PROX2: variants seen among roughly 807,000 people sequenced by gnomAD.
The protein encoded by PROX2 is prospero homeobox protein 2.
A neutral mutation model predicts 48.9 loss-of-function variants in PROX2; 46 were observed. That is an observed-to-expected ratio of 0.94 (90% CI 0.74 to 1.20). The LOEUF (loss-of-function observed/expected upper bound fraction) is 1.20. Ranked by LOEUF, PROX2 falls within the 50% of genes most tolerant of loss-of-function variation. PROX2 has a pLI of 0.00. For synonymous variants in PROX2, 260 were observed against 276.6 expected, an observed-to-expected ratio of 0.94 and a Z score of 0.60; for missense variants, 663 against 719.4, an observed-to-expected ratio of 0.92 and a Z score of 0.90.
chr14:74,863,364 C>G lies in PROX2; in HGVS notation c.471G>C (p.Arg157Ser). 6.2e-7 allele frequency: 1 copy of G among 1,614,026 alleles called. No individual in the cohort carries two copies. Among genetic ancestry groups the G allele is most frequent in the East Asian group, 2.2e-5 (1 of 44,882 alleles). Residue 157 changes from arginine to serine, a missense_variant, in exon 3 of 6, where the codon AGG (arginine) becomes AGC (serine). Arg to Ser is a moderately radical substitution (Grantham distance 110). Transcript: ENST00000556489. ...QEHILQAAKP[R>S]DTAQGPGGCG... ...AGCCTCCTGGCCCCTGAGCTGTGTC[C>G]CTGGGCTTGGCAGCCTGTAGGATGT...
Position 74,863,995 on chromosome 14 carries a change from T to C in PROX2, c.-161A>G. 1 of 774,192 alleles carries C rather than the reference T, an allele frequency of 1.3e-6. No homozygotes were observed. Among genetic ancestry groups the C allele is most frequent in the Non-Finnish European group, 1.8e-6 (1 of 558,164 alleles). 48.0% of individuals were successfully genotyped at this position (774,192 alleles called of 1,614,324 possible). A position where few individuals can be genotyped will look rare whatever the true frequency, so the allele number is the denominator to read the frequency against. On this transcript the variant is annotated 5_prime_UTR_variant, in exon 3 of 6. Transcript: ENST00000556489. Reference sequence around the variant, plus strand: ...TCTGGGATGCCAGGGCTCATGAACCTCCTGGGCAGACTCCTGAAATTAGAG... The same window carrying C: ...TCTGGGATGCCAGGGCTCATGAACCCCCTGGGCAGACTCCTGAAATTAGAG...
At chr14:74,870,117 G>T (rs1381551731) in intron 2 of PROX2, among the ~76,000 whole-genome samples, 1 of 151,928 alleles carries the variant, frequency 6.6e-6, no homozygotes, top group African/African-American at 2.4e-5. Context: ...GAGAAAATTA[G>T]ATATTAAAAA....
At chr14:74,872,370 C>G (rs578013946) in intron 1 of PROX2, among the ~76,000 whole-genome samples, 1 of 152,260 alleles carries the variant, frequency 6.6e-6, no homozygotes, top group Admixed American at 6.5e-5. Flanking sequence ...CTGGACCAGC[C>G]TTGTGCTTAG....
rs372354861 is a variant in PROX2 at position 74,862,692 on chromosome 14, A to G, written c.1143T>C (p.Pro381=). The G allele has an allele frequency of 1.2e-6, 2 of 1,613,966 alleles. No individual in the cohort carries two copies. The highest frequency in any genetic ancestry group is 1.3e-5 in the African/African-American group (1 of 75,020). ...RHPSSEPALR[P]WRTTKPQPLV... ...ATGGTTGCGGCTTAGTAGTTCTCCA[A>G]GGTCGTAGGGCAGGCTCTGAGGAGG... Residue 381 remains proline (P), a synonymous_variant, in exon 3 of 6, where the codon CCT becomes CCC. Transcript: ENST00000556489.
At chr14:74,870,439 A>AAAAACACACACACACAC (rs766736707) in intron 2 of PROX2, among the ~76,000 whole-genome samples, 1 of 29,936 alleles carries the variant, frequency 3.3e-5, no homozygotes, top group African/African-American at 2.4e-4. Context: ...AAAAAAAAAA[A>AAAAACACACACACACAC]ATACACACAC....
chr14:74,863,783 G>T lies in PROX2; in HGVS notation c.52C>A (p.Leu18Ile). 6.6e-7 allele frequency: 1 copy of T among 1,524,126 alleles called. No homozygotes were observed. Among genetic ancestry groups the T allele is most frequent in the East Asian group, 2.3e-5 (1 of 44,072 alleles). The allele number at this position is 1,524,126 out of a possible 1,614,324, so 94.4% of individuals were successfully genotyped here. ...LSPQPQICSHLAEACTEGERS... is the reference protein window; with the variant it reads ...LSPQPQICSHIAEACTEGERS... ...TCGCCTTCCGTACAAGCTTCTGCTA[G>T]GTGGGAGCAGATCTGGGGCTGAGGA... Residue 18 changes from leucine (L) to isoleucine (I), a missense_variant, in exon 3 of 6, where the codon CTA (leucine) becomes ATA (isoleucine). Leu to Ile is a conservative substitution (Grantham distance 5). Transcript: ENST00000556489.
At chr14:74,875,174 A>G (rs1883310527) in intron 1 of PROX2, among the ~76,000 whole-genome samples, 2 of 152,284 alleles carry the variant, frequency 1.3e-5, no homozygotes, top group South Asian at 4.1e-4. Context: ...ATAAAATAAA[A>G]TCTTAACCAC....
chr14:74,857,232 G>A (rs992869211), intron 4 of PROX2: 1 of 412,952 alleles, frequency 2.4e-6, no homozygotes, highest in Non-Finnish European at 4.3e-6. Context: ...TGATATGCTA[G>A]ATTTATGGGG....
chr14:74,862,229 G>GTC (rs58784255), intron 3 of PROX2, among the ~76,000 whole-genome samples: 1 of 152,082 alleles, frequency 6.6e-6, no homozygotes, highest in South Asian at 2.1e-4. Context: ...TTGAAACATT[G>GTC]TCTCTCTCTG....
chr14:74,862,607 G>A lies in PROX2; in HGVS notation c.1228C>T (p.Pro410Ser). The A allele has an allele frequency of 6.2e-7, 1 of 1,613,996 alleles. No homozygotes were observed. The highest frequency in any genetic ancestry group is 8.5e-7 in the Non-Finnish European group (1 of 1,179,874). Residue 410 changes from proline (P) to serine (S), a missense_variant, in exon 3 of 6, where the codon CCC becomes TCC. Pro to Ser is a moderately conservative substitution (Grantham distance 74). Transcript: ENST00000556489. ...PFTSAHLESL[P>S]LLPSVKMEQR... ...TCCATCTTCACCGAGGGAAGAAGGG[G>A]TAGACTTTCCAGATGGGCAGAGGTG...
At position 74,858,842 on chromosome 14, in the gene PROX2, TTGTGTGTGTGTGTG is replaced by T. The variant is rs199587376; in HGVS notation, c.1306-342_1306-329del. On this transcript the variant is annotated intron_variant, in intron 3 of 5. Transcript: ENST00000556489. ...TAGATGTCAAATACAGGTTGGTGTA[TTGTGTGTGTGTGTG>T]TGTGTGTGTGTGTGTGTGTGTGTGT... is the stretch of plus-strand genomic sequence containing the variant. 1,079 of 162,212 alleles carry T rather than the reference TTGTGTGTGTGTGTG, an allele frequency of 6.7e-3. 17 individuals are homozygous for T. The highest frequency in any genetic ancestry group is 0.033 in the East Asian group (198 of 6,070). The allele number at this position is 162,212 out of a possible 1,614,324, so 10.0% of individuals were successfully genotyped here. A position where few individuals can be genotyped will look rare whatever the true frequency, so the allele number is the denominator to read the frequency against.
Position 74,872,918 on chromosome 14 carries a change from A to G in PROX2, c.-309-1681T>C, listed in dbSNP as rs1883249405. On this transcript the variant is annotated intron_variant, in intron 1 of 5. Transcript: ENST00000556489. ...GGAGTCAGAAGCCCTGGTGGTCTGC[A>G]TCAACCACTGCATGGCTGTGAACTA... Among the ~76,000 whole-genome samples the G allele has an allele frequency of 3.3e-5, 5 of 152,240 alleles. No homozygotes were observed. The South Asian group carries it at 1.0e-3, about 31-fold the overall frequency.
intron 3 of PROX2, chr14:74,861,065 T>C: frequency 2.3e-6 from 1 of 439,134 alleles, no homozygotes; most frequent in Non-Finnish European, 4.4e-6. Context: ...AGGAAAGCTT[T>C]GGGGTGTTTC....
Position 74,863,142 on chromosome 14 carries a change from G to C in PROX2, c.693C>G (p.Thr231=), listed in dbSNP as rs771858213. 2 of 1,614,038 alleles carry C rather than the reference G, an allele frequency of 1.2e-6. No homozygotes were observed. The highest frequency in any genetic ancestry group is 4.5e-5 in the East Asian group (2 of 44,884). Residue 231 remains threonine (T), a synonymous_variant, in exon 3 of 6, where the codon ACC becomes ACG. Transcript: ENST00000556489. ...AGTCCACAGCCTGGGACACTGCCCTGGTCAGCTCTTTCCTCAGAATCTCTA... is the reference window on the plus strand; with the variant it reads ...AGTCCACAGCCTGGGACACTGCCCTCGTCAGCTCTTTCCTCAGAATCTCTA... The part of the protein sequence containing the change: ...ASLEILRKEL[T]RAVSQAVDSV...
At chr14:74,860,638 G>A (rs965628300) in intron 3 of PROX2, among the ~76,000 whole-genome samples, 4 of 152,204 alleles carry the variant, frequency 2.6e-5, no homozygotes, top group African/African-American at 9.6e-5. Context: ...ATGGCCCACA[G>A]GAATAAATCT....
In PROX2 at chr14:74,854,071, T is replaced by A. The variant is rs1446400052; in HGVS notation, c.*1061A>T. The stretch of plus-strand genomic sequence containing the variant: ...AGGCTGTGCACAGCCTGTGCAAGCC[T>A]CCTGTCTGGACTGCGGTTCTTCCTT... On this transcript the variant is annotated 3_prime_UTR_variant, in exon 6 of 6. Transcript: ENST00000556489. 6 of 235,046 alleles carry A rather than the reference T, an allele frequency of 2.6e-5. No individual in the cohort carries two copies. The Admixed American group carries it at 3.3e-4, about 13-fold the overall frequency. The allele number at this position is 235,046 out of a possible 1,614,324, so 14.6% of individuals were successfully genotyped here.
At chr14:74,873,563 T>G (rs1045448974) in intron 1 of PROX2, 2 of 219,638 alleles carry the variant, frequency 9.1e-6, no homozygotes, top group African/African-American at 4.7e-5. Flanking sequence ...CAGATTTTTA[T>G]ATTTTTAGAT....
At position 74,861,934 on chromosome 14, in the gene PROX2, A is replaced by T. The variant is rs568487344; in HGVS notation, c.1305+596T>A. On this transcript the variant is annotated intron_variant, in intron 3 of 5. Coordinates refer to ENST00000556489, the MANE Select transcript of PROX2 (RefSeq NM_001243007.2). ...TGGGTGGCTGACAACCAAATTATGG[A>T]TTCTTTCTTCCTTAGGGTATTCATT... Among the ~76,000 whole-genome samples, 3 of 152,272 alleles carry T rather than the reference A, an allele frequency of 2.0e-5. No homozygotes were observed. The East Asian group carries it at 5.8e-4, about 29-fold the overall frequency.
intron 2 of PROX2, among the ~76,000 whole-genome samples, chr14:74,870,692 C>A (rs1009297754): frequency 2.0e-5 from 3 of 151,970 alleles, no homozygotes; most frequent in African/African-American, 7.3e-5. Context: ...GGGATATATG[C>A]GAAATCTCTG....
Sources: allele counts gnomAD v4.1 joint callset (sites outside exome capture counted in the v4.1 genomes callset), GRCh38; gene constraint gnomAD v4.1.1; transcripts MANE v1.5; gene names NCBI Gene and HGNC (gene_info 2026-07-23, HGNC 2026-07-21).